The following POLE variants were observed in gnomAD, a reference collection of about 807,000 sequenced individuals.
POLE encodes the protein DNA polymerase epsilon catalytic subunit A.
POLE carries 188 observed loss-of-function variants against 279.2 expected under a neutral mutation model. The observed-to-expected ratio is 0.67, with a 90% CI of 0.60 to 0.76. The LOEUF is 0.76. POLE is among the 30% of genes least tolerant of loss of function. POLE has a pLI of 0.00. For missense variants in POLE, 2,703 were observed against 3,016.7 expected (o/e 0.90, Z 2.44); for synonymous variants, 1,214 against 1,172.5 (o/e 1.04, Z -0.72).
intron 35 of POLE, 24 bp from the exon 36 acceptor site, chr12:132,643,020 G>C (rs771921982): frequency 1.3e-6 from 2 of 1,568,612 alleles, no homozygotes; most frequent in Non-Finnish European, 1.7e-6. Flanking sequence ...GGCCACGTCA[G>C]CCTCCCCCTG....
chr12:132,657,192 C>A lies in POLE; in HGVS notation c.3526G>T (p.Asp1176Tyr). 1 of 1,614,008 alleles carries A rather than the reference C, an allele frequency of 6.2e-7. No individual in the cohort carries two copies. Among genetic ancestry groups the A allele is most frequent in the Non-Finnish European group, 8.5e-7 (1 of 1,179,982 alleles). The change falls in exon 29 of 49, where the codon GAT becomes TAT. Residue 1176 changes from aspartate to tyrosine, a missense_variant. Physicochemically the swap from Asp to Tyr is radical, Grantham distance 160. This residue lies in a region of POLE where 1,551 missense variants were observed against 1,686.1 expected (regional missense o/e 0.92). Transcript: ENST00000320574. ...WLHKKLLEKN[D>Y]VYKQKKISEL... ...CTGATCTTCTTCTGCTTGTAGACATCATTCTTCTCCAGCAGTTTTTTGTGC... is the reference window on the plus strand; with the variant it reads ...CTGATCTTCTTCTGCTTGTAGACATAATTCTTCTCCAGCAGTTTTTTGTGC...
chr12:132,659,177 A>G (rs967771795), intron 26 of POLE, 118 bp downstream of exon 26: 3 of 1,039,640 alleles, frequency 2.9e-6, no homozygotes, highest in South Asian at 3.2e-5. Context: ...TCTCCGTGAC[A>G]GGGCAGCCCT....
Position 132,667,486 on chromosome 12 carries a change from A to G in POLE, c.2319+17T>C, listed in dbSNP as rs2135968968. The G allele has an allele frequency of 2.5e-6, 4 of 1,612,780 alleles. No homozygotes were observed. Among genetic ancestry groups the G allele is most frequent in the Non-Finnish European group, 3.4e-6 (4 of 1,178,846 alleles). ...TGCCCTCACAGAGGCCAAAGCTTGC[A>G]GCCCCTCAGAGCTCACCTTGTGGAG... On this transcript the variant is annotated intron_variant, in intron 20 of 48. Transcript: ENST00000320574.
intron 45 of POLE, among the ~76,000 whole-genome samples, chr12:132,630,295 C>T (rs1002473563): frequency 3.9e-5 from 6 of 152,138 alleles, no homozygotes; most frequent in South Asian, 2.1e-4. Context: ...GTAACCGCTT[C>T]GAAGCACAAT....
At chr12:132,681,672 G>A (rs1001267488) in intron 1 of POLE, among the ~76,000 whole-genome samples, 3 of 152,068 alleles carry the variant, frequency 2.0e-5, no homozygotes, top group African/African-American at 2.4e-5. Flanking sequence ...GAAAAACCCC[G>A]AGCTTGGAAA....
intron 29 of POLE, among the ~76,000 whole-genome samples, chr12:132,655,291 T>C (rs1200190969): frequency 6.6e-6 from 1 of 152,238 alleles, no homozygotes; most frequent in Admixed American, 6.5e-5. Context: ...CTATGACTTT[T>C]TTGATCCACA....
chr12:132,625,865 G>A lies in POLE; in HGVS notation c.6532-95C>T, dbSNP rs553964285. On this transcript the variant is annotated intron_variant, in intron 46 of 48. Transcript: ENST00000320574. ...AGGAGAGGAAGGGGCTGTGAGAAGC[G>A]CCTGGTGACGGGCGAGTCTCCTGAG... The A allele has an allele frequency of 2.1e-5, 31 of 1,501,242 alleles. No individual in the cohort carries two copies. Among genetic ancestry groups the A allele is most frequent in the Non-Finnish European group, 2.8e-5 (31 of 1,114,182 alleles). The allele number at this position is 1,501,242 out of a possible 1,614,324, so 93.0% of individuals were successfully genotyped here.
At chr12:132,657,775 C>G in intron 27 of POLE, 93 bp downstream of exon 27, 3 of 924,358 alleles carry the variant, frequency 3.2e-6, no homozygotes, top group Admixed American at 1.9e-5. Context: ...AGTGAAGACG[C>G]CAGACAAAAA....
At chr12:132,676,438 T>A in intron 9 of POLE, 108 bp downstream of exon 9, 1 of 802,094 alleles carries the variant, frequency 1.2e-6, no homozygotes, top group Admixed American at 2.1e-5. Context: ...CTGGACTAAC[T>A]CATTATTCAC....
chr12:132,668,392 C>T lies in POLE; in HGVS notation c.2137G>A (p.Glu713Lys), dbSNP rs751870998. 3.1e-6 allele frequency: 5 copies of T among 1,608,750 alleles called. No homozygotes were observed. The highest frequency in any genetic ancestry group is 4.2e-6 in the Non-Finnish European group (5 of 1,177,198). ...PARAFHELSR[E>K]EQAKYEKRRL... ...CTCTTCTCGTATTTCGCCTGTTCCT[C>T]GCGGGACAGTTCATGAAAGGCCCGA... Residue 713 changes from glutamate (E) to lysine (K), a missense_variant, in exon 19 of 49, where the codon GAG becomes AAG. Coordinates refer to ENST00000320574, the MANE Select transcript of POLE (RefSeq NM_006231.4). The surrounding 1 kb of genome is among the most constrained non-coding windows in gnomAD (Gnocchi z 4.0).
At chr12:132,678,060 C>A (rs886256424) in intron 6 of POLE, among the ~76,000 whole-genome samples, 1 of 152,100 alleles carries the variant, frequency 6.6e-6, no homozygotes, top group Non-Finnish European at 1.5e-5. Context: ...TGTCTGTAAC[C>A]CCAGATACCT....
rs370305500 is a variant in POLE at position 132,624,937 on chromosome 12, C to T, written c.6715G>A (p.Ala2239Thr). 8 of 1,613,996 alleles carry T rather than the reference C, an allele frequency of 5.0e-6. No individual in the cohort carries two copies. Among genetic ancestry groups the T allele is most frequent in the Non-Finnish European group, 6.8e-6 (8 of 1,180,012 alleles). ...ETSMPVYCSC[A>T]GDFALTIHTQ... ...TGGATGGTGAGGGCGAAGTCTCCCG[C>T]GCAGCTGCAGTACACAGGCATGCTG... Residue 2239 changes from alanine (A) to threonine (T), a missense_variant, in exon 48 of 49, where the codon GCG becomes ACG. Physicochemically the swap from Ala to Thr is moderately conservative, Grantham distance 58 (BLOSUM62 0). Transcript: ENST00000320574.
In POLE at chr12:132,643,403, A is replaced by G; in HGVS notation, c.4444+4T>C. On this transcript the variant is annotated splice_donor_region_variant and intron_variant, in intron 34 of 48. Coordinates refer to ENST00000320574, the MANE Select transcript of POLE (RefSeq NM_006231.4). Reference sequence around the variant, plus strand: ...ACATGATGGGCGGCTGGTGCAGGCCATACCTGGTTCCAGGTAGCTGAACTG... The same window carrying G: ...ACATGATGGGCGGCTGGTGCAGGCCGTACCTGGTTCCAGGTAGCTGAACTG... The G allele has an allele frequency of 6.2e-7, 1 of 1,614,182 alleles. No homozygotes were observed. The highest frequency in any genetic ancestry group is 8.5e-7 in the Non-Finnish European group (1 of 1,180,012).
intron 46 of POLE, 131 bp from the exon 47 acceptor site, chr12:132,625,901 C>T (rs369551045): frequency 4.4e-5 from 57 of 1,283,548 alleles, no homozygotes; most frequent in Non-Finnish European, 5.4e-5. Context: ...TGCAGCTGCA[C>T]GCACTCTGGC....
intron 41 of POLE, 73 bp from the exon 42 acceptor site, chr12:132,636,097 G>C (rs2042026980): frequency 1.4e-6 from 2 of 1,469,154 alleles, no homozygotes; most frequent in Non-Finnish European, 9.3e-7. Flanking sequence ...ATTTCCCCTT[G>C]TATCTATCTG....
In POLE at chr12:132,645,698, G is replaced by C. The variant is rs566790529; in HGVS notation, c.4150-1721C>G. Among the ~76,000 whole-genome samples the C allele has an allele frequency of 2.6e-5, 4 of 152,276 alleles. No homozygotes were observed. The South Asian group carries it at 6.2e-4, about 24-fold the overall frequency. On this transcript the variant is annotated intron_variant, in intron 32 of 48. Transcript: ENST00000320574. ...AGGTTGCAATAAAGCGTTATTTGGC[G>C]TAACAACAACCAGGAAAATCTGAAT... is the stretch of plus-strand genomic sequence containing the variant.
chr12:132,640,430 C>G (rs1479744052), intron 39 of POLE, among the ~76,000 whole-genome samples: 1 of 152,252 alleles, frequency 6.6e-6, no homozygotes, highest in African/African-American at 2.4e-5. Context: ...CAGGTGGTAC[C>G]TAGACACAGG....
chr12:132,644,069 C>A (rs2138564425), intron 32 of POLE, 92 bp from the exon 33 acceptor site: 1 of 1,391,538 alleles, frequency 7.2e-7, no homozygotes, highest in Non-Finnish European at 9.8e-7. Flanking sequence ...GAGTCCTAGA[C>A]TTCTGGTGCC....
At chr12:132,643,066 C>T in intron 35 of POLE, 70 bp from the exon 36 acceptor site, 1 of 1,494,522 alleles carries the variant, frequency 6.7e-7, no homozygotes, top group Non-Finnish European at 9.0e-7. Flanking sequence ...GGGGCAGACT[C>T]CACCACTGCC....
Sources: allele counts gnomAD v4.1 joint callset (sites outside exome capture counted in the v4.1 genomes callset), GRCh38; gene constraint gnomAD v4.1.1; regional missense constraint gnomAD v4.1.1; non-coding constraint Gnocchi (gnomAD v3.1); transcripts MANE v1.5; gene names NCBI Gene and HGNC (gene_info 2026-07-23, HGNC 2026-07-21).